The following NBAS variants were observed in gnomAD, a reference collection of about 807,000 sequenced individuals.
The protein encoded by NBAS is NAG/BC035112 fusion.
NBAS carries 219 observed loss-of-function variants against 302.5 expected under a neutral mutation model. That is an observed-to-expected ratio of 0.72 (90% CI 0.65 to 0.81). NBAS has a LOEUF of 0.81. Among genes scored for constraint, NBAS ranks in the 30% least tolerant of loss-of-function variants. The pLI is 0.00. For missense variants in NBAS, 2,932 were observed against 2,841.6 expected (o/e 1.03, Z -0.72); for synonymous variants, 1,118 against 1,021.6 (o/e 1.09, Z -1.80).
chr2:15,236,465 C>T (rs2147938832), intron 45 of NBAS, among the ~76,000 whole-genome samples: 1 of 126,416 alleles, frequency 7.9e-6, no homozygotes, highest in Non-Finnish European at 1.6e-5. Context: ...GGGAGGATTG[C>T]TTGAGCCCAG....
chr2:14,810,632 C>A, the NBAS span, among the ~76,000 whole-genome samples: 6 of 152,174 alleles, frequency 3.9e-5, no homozygotes, highest in East Asian at 1.2e-3. Context: ...TGGACTCTGG[C>A]CTAGGTTAGT....
At chr2:15,033,917 CACTCT>C in the NBAS span, among the ~76,000 whole-genome samples, 1 of 151,050 alleles carries the variant, frequency 6.6e-6, no homozygotes, top group Non-Finnish European at 1.5e-5. Context: ...CACTCCACTC[CACTCT>C]GGACAACAGG....
intron 48 of NBAS, among the ~76,000 whole-genome samples, chr2:15,218,144 T>C (rs1666734421): frequency 6.6e-6 from 1 of 152,182 alleles, no homozygotes; most frequent in South Asian, 2.1e-4. Flanking sequence ...ATATTTCTAT[T>C]CACACCTGCA....
chr2:14,902,330 C>A, the NBAS span, among the ~76,000 whole-genome samples: 5 of 152,282 alleles, frequency 3.3e-5, no homozygotes, highest in East Asian at 9.7e-4. Context: ...TGGGGTTTCA[C>A]CGTGTTGGCC....
chr2:15,001,013 C>T, the NBAS span, among the ~76,000 whole-genome samples: 1 of 152,116 alleles, frequency 6.6e-6, no homozygotes, highest in Non-Finnish European at 1.5e-5. Context: ...TGTCTGAGTC[C>T]AGGACAGCAC....
chr2:15,106,685 T>C, the NBAS span, among the ~76,000 whole-genome samples: 1 of 152,080 alleles, frequency 6.6e-6, no homozygotes, highest in Non-Finnish European at 1.5e-5. Context: ...TCAGCCTGCC[T>C]TGAACATGTG....
chr2:15,099,417 A>G, the NBAS span, among the ~76,000 whole-genome samples: 1 of 152,136 alleles, frequency 6.6e-6, no homozygotes, highest in Non-Finnish European at 1.5e-5. Context: ...GGACATATGT[A>G]ATTTTTATGA....
the NBAS span, among the ~76,000 whole-genome samples, chr2:15,112,580 A>AT: frequency 4.6e-5 from 7 of 152,302 alleles, no homozygotes; most frequent in African/African-American, 1.7e-4. Context: ...ACTTGAGAAA[A>AT]TCAGCCCAGT....
Position 15,211,613 on chromosome 2 carries a change from C to T in NBAS, c.6432+7160G>A, listed in dbSNP as rs185939287. Reference sequence around the variant, plus strand: ...TCCTTCAACGTTTTTCTCGCTTATCCGTAGGAGGATTGAAGAGAAGATATT... The same window carrying T: ...TCCTTCAACGTTTTTCTCGCTTATCTGTAGGAGGATTGAAGAGAAGATATT... On this transcript the variant is annotated intron_variant, in intron 48 of 51. Coordinates refer to ENST00000281513, the MANE Select transcript of NBAS (RefSeq NM_015909.4). Among the ~76,000 whole-genome samples the T allele has an allele frequency of 1.4e-4, 21 of 152,076 alleles. No individual in the cohort carries two copies. In the East Asian group the frequency reaches 3.9e-3, roughly 28 times the overall value.
At chr2:15,015,019 T>A in the NBAS span, among the ~76,000 whole-genome samples, 4 of 151,812 alleles carry the variant, frequency 2.6e-5, no homozygotes, top group East Asian at 7.7e-4. Flanking sequence ...TGCCAATAAA[T>A]TTGAAAATCT....
chr2:15,472,315 C>G (rs1679995029), intron 16 of NBAS, among the ~76,000 whole-genome samples: 1 of 152,200 alleles, frequency 6.6e-6, no homozygotes, highest in Admixed American at 6.5e-5. Context: ...TCCCCGCTTC[C>G]TCCCTCTGTT....
At chr2:15,470,472 G>A (rs1679911060) in intron 16 of NBAS, among the ~76,000 whole-genome samples, 1 of 152,124 alleles carries the variant, frequency 6.6e-6, no homozygotes, top group Non-Finnish European at 1.5e-5. Flanking sequence ...TGTTTACTGG[G>A]CACCTACTGC....
At chr2:15,311,200 T>C (rs1361230548) in intron 38 of NBAS, among the ~76,000 whole-genome samples, 1 of 152,234 alleles carries the variant, frequency 6.6e-6, no homozygotes, top group Non-Finnish European at 1.5e-5. Flanking sequence ...TGAATACTCA[T>C]ATTAAGTGAG....
chr2:14,907,898 G>T, the NBAS span, among the ~76,000 whole-genome samples: 4 of 152,194 alleles, frequency 2.6e-5, no homozygotes, highest in African/African-American at 9.6e-5. Context: ...ACAGGAGGGG[G>T]AGACAAAATA....
At chr2:15,355,781 T>C (rs1673583850) in intron 33 of NBAS, among the ~76,000 whole-genome samples, 1 of 152,162 alleles carries the variant, frequency 6.6e-6, no homozygotes, top group Non-Finnish European at 1.5e-5. Flanking sequence ...GAAAGCTCCC[T>C]GAAGACTTCC....
chr2:14,817,456 T>C, the NBAS span, among the ~76,000 whole-genome samples: 1 of 152,176 alleles, frequency 6.6e-6, no homozygotes, highest in African/African-American at 2.4e-5. Flanking sequence ...AGACAATGAG[T>C]TCCTTAAAGC....
chr2:15,321,808 A>T (rs1368750293), intron 38 of NBAS, among the ~76,000 whole-genome samples: 1 of 152,214 alleles, frequency 6.6e-6, no homozygotes, highest in Non-Finnish European at 1.5e-5. Context: ...AAATTAGTTC[A>T]ACCATTGTGG....
the NBAS span, among the ~76,000 whole-genome samples, chr2:14,840,565 T>G: frequency 1.6e-4 from 25 of 152,044 alleles, no homozygotes; most frequent in Non-Finnish European, 3.1e-4. Flanking sequence ...GGAGCTCCAA[T>G]TAATCTGGCA....
At chr2:15,246,819 A>T (rs1668114085) in intron 44 of NBAS, among the ~76,000 whole-genome samples, 1 of 152,188 alleles carries the variant, frequency 6.6e-6, no homozygotes, top group Admixed American at 6.5e-5. Context: ...GCTGGTGACA[A>T]AATTAGATCA....
Sources: gnomAD v4.1 joint callset for allele counts (sites outside exome capture counted in the v4.1 genomes callset) on GRCh38, gnomAD v4.1.1 for gene constraint, MANE v1.5 for transcripts, NCBI Gene and HGNC (gene_info 2026-07-23, HGNC 2026-07-21) for gene names.